Variants in CTNNA2 observed in about 807,000 individuals in gnomAD.
CTNNA2 encodes catenin alpha 2.
CTNNA2 carries 42 observed loss-of-function variants against 101.0 expected under a neutral mutation model. That is an observed-to-expected ratio of 0.42 (90% CI 0.32 to 0.54). CTNNA2 has a LOEUF of 0.54. Among genes scored for constraint, CTNNA2 ranks in the 20% least tolerant of loss-of-function variants. The pLI, the probability that CTNNA2 is intolerant of heterozygous loss-of-function variation, is 0.14. For missense variants in CTNNA2, 871 were observed against 1,223.1 expected (o/e 0.71, Z 4.29); for synonymous variants, 450 against 456.4 (o/e 0.99, Z 0.18).
chr2:80,150,398 G>T (rs547712953), intron 7 of CTNNA2, among the ~76,000 whole-genome samples: 1 of 152,056 alleles, frequency 6.6e-6, no homozygotes, highest in Non-Finnish European at 1.5e-5. Context: ...CTTGCATGCC[G>T]CTCACTTGCT....
At chr2:80,101,935 G>A (rs1000814985) in intron 7 of CTNNA2, among the ~76,000 whole-genome samples, 2 of 152,218 alleles carry the variant, frequency 1.3e-5, no homozygotes, top group Non-Finnish European at 2.9e-5. Flanking sequence ...GACTAGGGAA[G>A]TCTGCTCTTG....
intron 2 of CTNNA2, among the ~76,000 whole-genome samples, chr2:79,702,694 T>C (rs767147087): frequency 6.6e-6 from 1 of 152,238 alleles, no homozygotes; most frequent in Non-Finnish European, 1.5e-5. Context: ...ACAATGATTT[T>C]GTTGACTCTG....
At chr2:80,589,520 C>A in intron 15 of CTNNA2, 35 bp downstream of exon 15, 1 of 1,598,312 alleles carries the variant, frequency 6.3e-7, no homozygotes, top group South Asian at 1.1e-5. Flanking sequence ...AAGATTTTTT[C>A]ATTAAACCCA....
chr2:79,676,902 G>A (rs1007707122), intron 2 of CTNNA2, among the ~76,000 whole-genome samples: 1 of 152,020 alleles, frequency 6.6e-6, no homozygotes, highest in Admixed American at 6.6e-5. Flanking sequence ...AGAGATACAG[G>A]TTCCCTCCAC....
At chr2:79,937,293 TTA>T (rs1470677641) in intron 7 of CTNNA2, among the ~76,000 whole-genome samples, 1 of 152,190 alleles carries the variant, frequency 6.6e-6, no homozygotes. Context: ...TATAGCACTT[TTA>T]TAAAGGAAAC....
intron 7 of CTNNA2, among the ~76,000 whole-genome samples, chr2:80,119,379 A>G (rs1208468819): frequency 6.6e-6 from 1 of 152,212 alleles, no homozygotes; most frequent in Admixed American, 6.5e-5. Context: ...TTGGGGAGAC[A>G]TAGCTGGCAA....
At chr2:79,584,436 C>T (rs1676341724) in intron 1 of CTNNA2, among the ~76,000 whole-genome samples, 1 of 150,774 alleles carries the variant, frequency 6.6e-6, no homozygotes, top group Non-Finnish European at 1.5e-5. Context: ...CAGTGTGTTT[C>T]AGTCAATTTT....
At chr2:80,453,531 T>C (rs1012980283) in intron 9 of CTNNA2, among the ~76,000 whole-genome samples, 3 of 151,954 alleles carry the variant, frequency 2.0e-5, no homozygotes, top group Admixed American at 2.0e-4. Context: ...TGTGATTCGC[T>C]CACGTAATTC....
intron 9 of CTNNA2, among the ~76,000 whole-genome samples, chr2:80,516,348 A>G (rs1689107598): frequency 6.6e-6 from 1 of 152,158 alleles, no homozygotes; most frequent in Admixed American, 6.5e-5. Flanking sequence ...CGCAGAAGCT[A>G]TGTGATTTCC....
chr2:79,226,496 T>C (rs1674410921), intron 2 of CTNNA2, among the ~76,000 whole-genome samples: 1 of 152,312 alleles, frequency 6.6e-6, no homozygotes, highest in Non-Finnish European at 1.5e-5. Flanking sequence ...CCTCACTCTG[T>C]TGTTTCCAGA....
At position 80,106,450 on chromosome 2, in the gene CTNNA2, A is replaced by G. The variant is rs80226711; in HGVS notation, c.1056+196653A>G. On this transcript the variant is annotated intron_variant, in intron 7 of 18. Transcript: ENST00000402739. ...TTACACTATCTATGTGTATCTGTGC[A>G]TAAATTAGCCTTTCTGAATTTTGGT... Among the ~76,000 whole-genome samples, 119 of 152,322 alleles carry G rather than the reference A, an allele frequency of 7.8e-4. No homozygotes were observed. In the East Asian group the frequency reaches 0.02, roughly 26 times the overall value.
chr2:79,483,617 C>T (rs922993927), intron 4 of CTNNA2, among the ~76,000 whole-genome samples: 2 of 152,200 alleles, frequency 1.3e-5, no homozygotes, highest in African/African-American at 2.4e-5. Context: ...CAGGCCTTTG[C>T]ATCCTCATAG....
intron 7 of CTNNA2, among the ~76,000 whole-genome samples, chr2:80,100,506 G>T (rs1306867926): frequency 6.6e-6 from 1 of 152,068 alleles, no homozygotes; most frequent in African/African-American, 2.4e-5. Flanking sequence ...ACGTCTTCAA[G>T]CATTTTCTAT....
At chr2:80,577,983 A>C (rs1267824903) in intron 13 of CTNNA2, among the ~76,000 whole-genome samples, 1 of 152,210 alleles carries the variant, frequency 6.6e-6, no homozygotes, top group Non-Finnish European at 1.5e-5. Context: ...TGTCCAGGTG[A>C]AATGACTGAA....
chr2:80,212,902 G>T (rs1276131167), intron 7 of CTNNA2, among the ~76,000 whole-genome samples: 3 of 152,162 alleles, frequency 2.0e-5, no homozygotes, highest in African/African-American at 7.2e-5. Context: ...CCTGTTATTG[G>T]TCTATTCAGG....
intron 7 of CTNNA2, among the ~76,000 whole-genome samples, chr2:80,100,097 AT>A (rs60240919): frequency 4.0e-5 from 6 of 151,642 alleles, no homozygotes; most frequent in African/African-American, 1.5e-4. Flanking sequence ...GCCCAGCTAC[AT>A]TTTTTTTGTA....
At chr2:79,975,484 AC>A (rs1315657664) in intron 7 of CTNNA2, among the ~76,000 whole-genome samples, 1 of 152,012 alleles carries the variant, frequency 6.6e-6, no homozygotes, top group African/African-American at 2.4e-5. Context: ...TTCGGTTCTG[AC>A]CTAGAGGTAG....
intron 7 of CTNNA2, among the ~76,000 whole-genome samples, chr2:79,947,928 C>G (rs576425757): frequency 6.6e-6 from 1 of 152,290 alleles, no homozygotes; most frequent in South Asian, 2.1e-4. Context: ...AAGGCAGCAA[C>G]TCAGGGGACT....
At chr2:79,459,166 C>A (rs768653015) in intron 4 of CTNNA2, among the ~76,000 whole-genome samples, 3 of 152,038 alleles carry the variant, frequency 2.0e-5, no homozygotes, top group Admixed American at 2.0e-4. Context: ...ATTTGAAGAA[C>A]AAAATCATAT....
Sources: gnomAD v4.1 joint callset for allele counts (sites outside exome capture counted in the v4.1 genomes callset) on GRCh38, gnomAD v4.1.1 for gene constraint, MANE v1.5 for transcripts, NCBI Gene and HGNC (gene_info 2026-07-23, HGNC 2026-07-21) for gene names.